NPAS3: variants seen among roughly 807,000 people sequenced by gnomAD.
NPAS3 encodes the protein neuronal PAS domain protein 3.
NPAS3 carries 14 observed loss-of-function variants against 73.1 expected under a neutral mutation model. That is an observed-to-expected ratio of 0.19 (90% CI 0.13 to 0.30). The LOEUF is 0.30. Among genes scored for constraint, NPAS3 ranks in the 10% least tolerant of loss-of-function variants. The probability of loss-of-function intolerance (pLI) is 1.00; values close to 1 mark genes in which losing one functional copy is unlikely to be tolerated. For synonymous variants in NPAS3, 620 were observed against 541.5 expected, an observed-to-expected ratio of 1.14 and a Z score of -2.01; for missense variants, 1,096 against 1,250.0, an observed-to-expected ratio of 0.88 and a Z score of 1.86.
chr14:33,777,696 C>T (rs761375343), intron 8 of NPAS3, among the ~76,000 whole-genome samples: 4 of 152,180 alleles, frequency 2.6e-5, no homozygotes, highest in Admixed American at 6.5e-5. Context: ...GTAAACCAGG[C>T]GGATTCCCCC....
At chr14:33,541,875 G>GC (rs569435496) in intron 4 of NPAS3, among the ~76,000 whole-genome samples, 41 of 152,218 alleles carry the variant, frequency 2.7e-4, no homozygotes, top group African/African-American at 9.6e-4. Context: ...GTGCATACCT[G>GC]CCCACTCACT....
intron 2 of NPAS3, among the ~76,000 whole-genome samples, chr14:33,082,249 A>AAG (rs2041883014): frequency 1.3e-5 from 2 of 152,170 alleles, no homozygotes; most frequent in South Asian, 4.1e-4. Context: ...TTGCCATAGA[A>AAG]ACACATAAGG....
chr14:33,612,263 C>G, intron 5 of NPAS3: 1 of 372,142 alleles, frequency 2.7e-6, no homozygotes, highest in Non-Finnish European at 5.4e-6. Context: ...CAGTGATGCC[C>G]CACTGTTCAG....
At chr14:33,731,592 TG>T (rs1181357808) in intron 6 of NPAS3, among the ~76,000 whole-genome samples, 1 of 152,144 alleles carries the variant, frequency 6.6e-6, no homozygotes, top group African/African-American at 2.4e-5. Context: ...CTCCTCTTTC[TG>T]CCTTCTTTAC....
At chr14:33,460,971 CCT>C (rs1176958857) in intron 4 of NPAS3, among the ~76,000 whole-genome samples, 22 of 152,222 alleles carry the variant, frequency 1.4e-4, no homozygotes, top group Admixed American at 1.2e-3. Flanking sequence ...TACATCATTC[CCT>C]GTTTCTTGAC....
intron 1 of NPAS3, among the ~76,000 whole-genome samples, chr14:33,051,294 A>AAAAAAAAAAAAAAAAG (rs2040700312): frequency 6.8e-6 from 1 of 147,392 alleles, no homozygotes; most frequent in South Asian, 2.1e-4. Context: ...AAAAAAAAAA[A>AAAAAAAAAAAAAAAAG]AAAGAGAGAC....
At chr14:33,568,277 A>G (rs1195664124) in intron 5 of NPAS3, among the ~76,000 whole-genome samples, 1 of 152,188 alleles carries the variant, frequency 6.6e-6, no homozygotes, top group Non-Finnish European at 1.5e-5. Flanking sequence ...TAAATAATGA[A>G]ACGGTGTTTT....
intron 2 of NPAS3, among the ~76,000 whole-genome samples, chr14:33,090,333 G>A (rs1378195144): frequency 6.6e-6 from 1 of 152,086 alleles, no homozygotes; most frequent in Non-Finnish European, 1.5e-5. Context: ...ACAAAAGAAG[G>A]CAGGGGTTGC....
intron 5 of NPAS3, among the ~76,000 whole-genome samples, chr14:33,641,785 G>C (rs1334470660): frequency 6.6e-6 from 1 of 151,954 alleles, no homozygotes. Context: ...AAGGTTTGAT[G>C]CCTATATTTC....
chr14:32,980,177 G>T (rs1378893517), intron 1 of NPAS3, among the ~76,000 whole-genome samples: 2 of 152,156 alleles, frequency 1.3e-5, no homozygotes, highest in South Asian at 2.1e-4. Flanking sequence ...ACCTTGAAAT[G>T]TTGTTTCCCA....
At chr14:33,319,996 A>G (rs935616615) in intron 3 of NPAS3, among the ~76,000 whole-genome samples, 1 of 152,178 alleles carries the variant, frequency 6.6e-6, no homozygotes, top group African/African-American at 2.4e-5. Flanking sequence ...TAACTAAAGA[A>G]GGGTGGAGTT....
chr14:33,005,709 G>A (rs1378745446), intron 1 of NPAS3, among the ~76,000 whole-genome samples: 1 of 152,186 alleles, frequency 6.6e-6, no homozygotes, highest in Non-Finnish European at 1.5e-5. Context: ...AGTTGTTAAA[G>A]CAACTGCTCC....
At chr14:33,329,107 G>T (rs1021921031) in intron 3 of NPAS3, among the ~76,000 whole-genome samples, 2 of 152,122 alleles carry the variant, frequency 1.3e-5, no homozygotes, top group African/African-American at 4.8e-5. Flanking sequence ...GATAGCTCAG[G>T]TATGATGTTT....
intron 4 of NPAS3, among the ~76,000 whole-genome samples, chr14:33,513,282 T>C (rs10782381): frequency 0.61 from 92,756 of 151,800 alleles, 28,558 homozygotes; most frequent in South Asian, 0.74. Flanking sequence ...TGAACATATA[T>C]ATTCTAGTGA....
chr14:33,260,855 T>C (rs1365161798), intron 3 of NPAS3, among the ~76,000 whole-genome samples: 1 of 152,200 alleles, frequency 6.6e-6, no homozygotes, highest in African/African-American at 2.4e-5. Context: ...CTACAATGAC[T>C]ATATTTTGCC....
intron 4 of NPAS3, among the ~76,000 whole-genome samples, chr14:33,514,143 G>T (rs2053190691): frequency 6.6e-6 from 1 of 152,012 alleles, no homozygotes; most frequent in Non-Finnish European, 1.5e-5. Context: ...CTGCATTATT[G>T]TCTGCTTCAA....
At chr14:33,253,056 G>T (rs1486838046) in intron 3 of NPAS3, among the ~76,000 whole-genome samples, 1 of 152,020 alleles carries the variant, frequency 6.6e-6, no homozygotes, top group South Asian at 2.1e-4. Context: ...CCATGACTTT[G>T]CTATTGGGAA....
chr14:33,694,184 T>A (rs142140783), intron 6 of NPAS3, among the ~76,000 whole-genome samples: 6 of 152,122 alleles, frequency 3.9e-5, no homozygotes, highest in African/African-American at 1.4e-4. Flanking sequence ...TGCAACCCCC[T>A]CGCCCCTTGT....
intron 1 of NPAS3, among the ~76,000 whole-genome samples, chr14:33,007,815 G>T (rs2039050189): frequency 6.6e-6 from 1 of 152,182 alleles, no homozygotes. Context: ...CAACCATTCA[G>T]CTCTGAGTAG....
Sources: gnomAD v4.1 joint callset for allele counts (sites outside exome capture counted in the v4.1 genomes callset) on GRCh38, gnomAD v4.1.1 for gene constraint, MANE v1.5 for transcripts, NCBI Gene and HGNC (gene_info 2026-07-23, HGNC 2026-07-21) for gene names.